Variants in SAMMSON observed in about 807,000 individuals in gnomAD.
The protein encoded by SAMMSON is long intergenic non-protein coding RNA 1212.
At chr3:70,180,254 G>A (rs1445863481) in intron 4 of SAMMSON, among the ~76,000 whole-genome samples, 1 of 151,958 alleles carries the variant, frequency 6.6e-6, no homozygotes, top group Non-Finnish European at 1.5e-5. Context: ...TTTTTATGGG[G>A]TTTTGTGAAG....
At chr3:70,309,699 T>C (rs1261726236) in intron 7 of SAMMSON, among the ~76,000 whole-genome samples, 2 of 152,196 alleles carry the variant, frequency 1.3e-5, no homozygotes, top group African/African-American at 4.8e-5. Context: ...AAGACATTTA[T>C]GTTTGAAAAC....
intron 4 of SAMMSON, among the ~76,000 whole-genome samples, chr3:70,168,162 T>C (rs1177303875): frequency 1.3e-5 from 2 of 151,950 alleles, no homozygotes; most frequent in East Asian, 1.9e-4. Context: ...GAGCATTAGA[T>C]AGCTGGGTTC....
At chr3:70,122,729 A>C (rs377305011) in intron 4 of SAMMSON, among the ~76,000 whole-genome samples, 3 of 152,358 alleles carry the variant, frequency 2.0e-5, no homozygotes, top group African/African-American at 7.2e-5. Context: ...AGAATAGATA[A>C]CTTTTGAAAG....
At chr3:70,283,756 T>C (rs1401178327) in intron 6 of SAMMSON, 5 of 149,128 alleles carry the variant, frequency 3.4e-5, no homozygotes, top group Non-Finnish European at 7.4e-5. Context: ...ATAAAGAGTA[T>C]GTAATGCTTA....
At chr3:70,131,951 T>C (rs1559520506) in intron 4 of SAMMSON, among the ~76,000 whole-genome samples, 1 of 152,108 alleles carries the variant, frequency 6.6e-6, no homozygotes, top group Non-Finnish European at 1.5e-5. Flanking sequence ...TAGGAGATGA[T>C]ATTGAGAAAT....
intron 4 of SAMMSON, chr3:70,159,695 A>G (rs1047236841): frequency 2.6e-5 from 4 of 151,956 alleles, no homozygotes; most frequent in African/African-American, 9.7e-5. Flanking sequence ...AGTAGCTGGG[A>G]CTACAAGCAT....
chr3:70,299,796 C>G lies in SAMMSON; in HGVS notation n.739+8553C>G, dbSNP rs73836274. ...TGATTCTGTTATCTTTAGGTCCTCT[C>G]TACCTTCCTGAAGCCAACCTCACAT... On this transcript the variant is annotated intron_variant and non_coding_transcript_variant, in intron 7 of 9. Transcript: ENST00000642114. Among the ~76,000 whole-genome samples the G allele has an allele frequency of 1.2e-3, 180 of 152,210 alleles. 1 individual carries two copies. Among genetic ancestry groups the G allele is most frequent in the African/African-American group, 4.0e-3 (167 of 41,546 alleles).
At chr3:70,114,563 T>G (rs2067402401) in intron 4 of SAMMSON, among the ~76,000 whole-genome samples, 1 of 152,204 alleles carries the variant, frequency 6.6e-6, no homozygotes, top group South Asian at 2.1e-4. Context: ...TAGAAATCAT[T>G]TAGTTTTACA....
At chr3:70,168,357 A>G (rs2067646211) in intron 4 of SAMMSON, among the ~76,000 whole-genome samples, 1 of 152,000 alleles carries the variant, frequency 6.6e-6, no homozygotes, top group African/African-American at 2.4e-5. Flanking sequence ...AACAACTCAT[A>G]ACCTATAGAG....
At position 70,336,814 on chromosome 3, in the gene SAMMSON, T is replaced by TTGTGTGTGTGTGTG. The variant is rs71126494; in HGVS notation, n.740-17330_740-17317dup. ...AGAAGAGTTAAACATAATAGAAAGT[T>TTGTGTGTGTGTGTG]TGTGTGTGTGTGTGTGTGTGTGTGT... On this transcript the variant is annotated intron_variant and non_coding_transcript_variant, in intron 7 of 9. Transcript: ENST00000642114. 5.9e-3 allele frequency among the ~76,000 whole-genome samples: 745 copies of TTGTGTGTGTGTGTG among 126,660 alleles called. 4 individuals carry two copies. The highest frequency in any genetic ancestry group is 9.3e-3 in the Non-Finnish European group (561 of 60,260). 83.1% of individuals were successfully genotyped at this position (126,660 alleles called of 152,430 possible).
chr3:70,282,257 C>G (rs1702093071), intron 6 of SAMMSON, among the ~76,000 whole-genome samples: 1 of 152,056 alleles, frequency 6.6e-6, no homozygotes, highest in Non-Finnish European at 1.5e-5. Flanking sequence ...GCAATGGGAC[C>G]TAGAAGGAAC....
intron 2 of SAMMSON, among the ~76,000 whole-genome samples, chr3:70,428,080 C>T (rs1431809220): frequency 6.6e-6 from 1 of 151,928 alleles, no homozygotes; most frequent in Non-Finnish European, 1.5e-5. Flanking sequence ...CTATAAAATA[C>T]TGCGGAAAGA....
intron 4 of SAMMSON, chr3:70,206,432 C>G: frequency 2.5e-6 from 1 of 393,754 alleles, no homozygotes; most frequent in Non-Finnish European, 4.5e-6. Context: ...ATGTCATTCA[C>G]CAGAGTTTTC....
chr3:70,098,724 G>C (rs1161561851), intron 4 of SAMMSON, among the ~76,000 whole-genome samples: 1 of 152,052 alleles, frequency 6.6e-6, no homozygotes, highest in African/African-American at 2.4e-5. Flanking sequence ...AGGTACAAAG[G>C]ATAGTACAAT....
intron 4 of SAMMSON, among the ~76,000 whole-genome samples, chr3:70,114,874 G>C (rs1488364499): frequency 1.3e-5 from 2 of 152,086 alleles, no homozygotes; most frequent in African/African-American, 2.4e-5. Context: ...TTAAGATATA[G>C]CTTCCTTTGG....
chr3:70,290,927 G>T (rs548038289), intron 6 of SAMMSON, among the ~76,000 whole-genome samples: 1 of 152,236 alleles, frequency 6.6e-6, no homozygotes, highest in Non-Finnish European at 1.5e-5. Flanking sequence ...ATGGCGCACG[G>T]TGCGCGCACC....
At chr3:70,249,319 G>T (rs6549304) in intron 5 of SAMMSON, 150,916 of 152,250 alleles carry the variant, frequency 0.99, 74,814 homozygotes, top group East Asian at 1. Flanking sequence ...AAGTTATAAT[G>T]TGAATTTGGA....
chr3:70,076,402 C>T (rs774884220), intron 4 of SAMMSON, among the ~76,000 whole-genome samples: 2 of 152,092 alleles, frequency 1.3e-5, no homozygotes, highest in Admixed American at 6.6e-5. Flanking sequence ...ACACTTTGTT[C>T]ATTTCATATT....
intron 9 of SAMMSON, among the ~76,000 whole-genome samples, chr3:70,372,808 T>C (rs1702981329): frequency 6.6e-6 from 1 of 152,220 alleles, no homozygotes; most frequent in South Asian, 2.1e-4. Context: ...TATAATTCTT[T>C]GTATAACTCT....
Sources: gnomAD v4.1 joint callset for allele counts (sites outside exome capture counted in the v4.1 genomes callset) on GRCh38, gnomAD v4.1.1 for gene constraint, MANE v1.5 for transcripts, NCBI Gene and HGNC (gene_info 2026-07-23, HGNC 2026-07-21) for gene names.